Variants in DLGAP1 observed in about 807,000 individuals in gnomAD.
The protein encoded by DLGAP1 is DLG associated protein 1.
In DLGAP1, 11 loss-of-function variants were observed where a neutral mutation model predicts 90.8. That is an observed-to-expected ratio of 0.12 (90% CI 0.08 to 0.20). The LOEUF (loss-of-function observed/expected upper bound fraction) is 0.20, where lower values mean the gene tolerates loss of function less well. DLGAP1 is among the 10% of genes least tolerant of loss of function. The pLI, the probability that DLGAP1 is intolerant of heterozygous loss-of-function variation, is 1.00. For missense variants in DLGAP1, 1,050 were observed against 1,333.8 expected (o/e 0.79, Z 3.31); for synonymous variants, 558 against 540.7 (o/e 1.03, Z -0.44).
At chr18:3,890,961 T>C (rs1383142892) in intron 3 of DLGAP1, among the ~76,000 whole-genome samples, 2 of 152,238 alleles carry the variant, frequency 1.3e-5, no homozygotes, top group Non-Finnish European at 2.9e-5. Flanking sequence ...AGTCTTTGAC[T>C]GTACTGAGCA....
chr18:4,243,355 G>A (rs1422279583), intron 1 of DLGAP1, among the ~76,000 whole-genome samples: 1 of 105,058 alleles, frequency 9.5e-6, no homozygotes, highest in Non-Finnish European at 2.3e-5. Context: ...GGCATTTGGA[G>A]GTGGACTGAC....
chr18:3,923,669 A>G (rs893791608), intron 3 of DLGAP1, among the ~76,000 whole-genome samples: 4 of 152,214 alleles, frequency 2.6e-5, no homozygotes, highest in African/African-American at 9.6e-5. Context: ...TTAAATTCCA[A>G]AGATGATTCC....
chr18:4,113,800 T>A (rs535146519), intron 2 of DLGAP1, among the ~76,000 whole-genome samples: 1 of 152,086 alleles, frequency 6.6e-6, no homozygotes, highest in East Asian at 1.9e-4. Context: ...TGGTGAAACA[T>A]AGGGGTCTAG....
intron 3 of DLGAP1, among the ~76,000 whole-genome samples, chr18:3,987,708 A>G (rs984036934): frequency 1.3e-5 from 2 of 152,230 alleles, no homozygotes; most frequent in Admixed American, 6.5e-5. Context: ...TATTTAATGA[A>G]ATGTAATCAT....
chr18:3,636,169 C>G (rs1233296327), intron 7 of DLGAP1, among the ~76,000 whole-genome samples: 1 of 151,026 alleles, frequency 6.6e-6, no homozygotes, highest in African/African-American at 2.4e-5. Flanking sequence ...CTTTCTTTAC[C>G]TGGCCAACTC....
At chr18:4,199,840 TCCC>T (rs2077574898) in intron 1 of DLGAP1, among the ~76,000 whole-genome samples, 1 of 152,126 alleles carries the variant, frequency 6.6e-6, no homozygotes, top group African/African-American at 2.4e-5. Flanking sequence ...TGAAAACAAT[TCCC>T]CCAAGAGCTT....
At chr18:4,330,004 AT>A (rs200412769) in intron 1 of DLGAP1, among the ~76,000 whole-genome samples, 1 of 151,442 alleles carries the variant, frequency 6.6e-6, no homozygotes, top group African/African-American at 2.4e-5. Flanking sequence ...CTGGGTTTGA[AT>A]TTTTTTTTGA....
chr18:4,070,623 TATTA>T (rs1456332745), intron 2 of DLGAP1, among the ~76,000 whole-genome samples: 81 of 152,070 alleles, frequency 5.3e-4, no homozygotes, highest in African/African-American at 1.5e-3. Flanking sequence ...CTCTTTATTT[TATTA>T]ATTAATTATG....
chr18:4,308,647 GAATTA>G (rs1364529714), intron 1 of DLGAP1, among the ~76,000 whole-genome samples: 5 of 152,092 alleles, frequency 3.3e-5, no homozygotes, highest in African/African-American at 2.4e-5. Context: ...ACCTGACAAA[GAATTA>G]AATTAAAAGG....
chr18:4,031,840 A>G (rs1478711360), intron 2 of DLGAP1, among the ~76,000 whole-genome samples: 1 of 152,236 alleles, frequency 6.6e-6, no homozygotes, highest in Non-Finnish European at 1.5e-5. Flanking sequence ...AATTAAAATG[A>G]TGATGATAAA....
At chr18:4,246,259 T>C (rs931852358) in intron 1 of DLGAP1, among the ~76,000 whole-genome samples, 1 of 152,136 alleles carries the variant, frequency 6.6e-6, no homozygotes, top group African/African-American at 2.4e-5. Flanking sequence ...ATTTTTCACT[T>C]CCTGATTTGA....
At chr18:3,712,998 A>G (rs1319040533) in intron 7 of DLGAP1, among the ~76,000 whole-genome samples, 1 of 152,192 alleles carries the variant, frequency 6.6e-6, no homozygotes, top group African/African-American at 2.4e-5. Context: ...TATTTGCAAA[A>G]GCTCTAGTAC....
chr18:4,348,417 T>C (rs181320199), intron 1 of DLGAP1, among the ~76,000 whole-genome samples: 163 of 151,468 alleles, frequency 1.1e-3, no homozygotes, highest in Non-Finnish European at 1.7e-3. Context: ...TGTGTGTGTG[T>C]GTGTGTGTGT....
At chr18:3,820,216 C>A (rs572470235) in intron 4 of DLGAP1, among the ~76,000 whole-genome samples, 69 of 152,160 alleles carry the variant, frequency 4.5e-4, no homozygotes, top group African/African-American at 1.6e-3. Context: ...CTGAGAGCCA[C>A]AAAAGGAATG....
intron 10 of DLGAP1, among the ~76,000 whole-genome samples, chr18:3,519,865 G>T (rs1377075805): frequency 6.6e-6 from 1 of 152,110 alleles, no homozygotes; most frequent in African/African-American, 2.4e-5. Context: ...AGAGTAATGA[G>T]AAGTAAATTT....
intron 3 of DLGAP1, among the ~76,000 whole-genome samples, chr18:3,970,449 C>A (rs1324492771): frequency 3.9e-5 from 6 of 152,112 alleles, no homozygotes; most frequent in African/African-American, 1.2e-4. Flanking sequence ...TGGTAATGAA[C>A]CTTTGTACTT....
At chr18:3,902,662 A>G (rs1299220703) in intron 3 of DLGAP1, among the ~76,000 whole-genome samples, 1 of 152,200 alleles carries the variant, frequency 6.6e-6, no homozygotes, top group Non-Finnish European at 1.5e-5. Flanking sequence ...ACCTACTCAT[A>G]AATGTGCCAT....
chr18:3,622,327 G>A (rs757071142), intron 7 of DLGAP1, among the ~76,000 whole-genome samples: 1 of 152,032 alleles, frequency 6.6e-6, no homozygotes, highest in Non-Finnish European at 1.5e-5. Flanking sequence ...GGATGGTCTC[G>A]ATCTCCTGAC....
chr18:3,937,065 T>C (rs951291522), intron 3 of DLGAP1, among the ~76,000 whole-genome samples: 6 of 152,280 alleles, frequency 3.9e-5, no homozygotes, highest in Admixed American at 3.9e-4. Context: ...GGCTGAAACA[T>C]GGGCACGCCC....
Sources: allele counts gnomAD v4.1 joint callset (sites outside exome capture counted in the v4.1 genomes callset), GRCh38; gene constraint gnomAD v4.1.1; transcripts MANE v1.5; gene names NCBI Gene and HGNC (gene_info 2026-07-23, HGNC 2026-07-21).